The following ADGRV1 variants were observed in gnomAD, a reference collection of about 807,000 sequenced individuals.
The protein encoded by ADGRV1 is adhesion G protein-coupled receptor V1.
ADGRV1 carries 359 observed loss-of-function variants against 596.2 expected under a neutral mutation model. That is an observed-to-expected ratio of 0.60 (90% CI 0.55 to 0.66). ADGRV1 has a LOEUF of 0.66. Among genes scored for constraint, ADGRV1 ranks in the 30% least tolerant of loss-of-function variants. The pLI, the probability that ADGRV1 is intolerant of heterozygous loss-of-function variation, is 0.00. For synonymous variants in ADGRV1, 2,681 were observed against 2,679.2 expected (o/e 1.00, Z -0.02); for missense variants, 7,274 against 7,575.6 (o/e 0.96, Z 1.48).
intron 86 of ADGRV1, among the ~76,000 whole-genome samples, chr5:91,088,569 ATTAGTC>A (rs951028977): frequency 6.6e-5 from 10 of 152,184 alleles, no homozygotes; most frequent in African/African-American, 2.4e-4. Context: ...CTGCTCATTC[ATTAGTC>A]TTAAACTATT....
At chr5:91,130,569 T>C (rs1794132480) in intron 87 of ADGRV1, among the ~76,000 whole-genome samples, 1 of 139,010 alleles carries the variant, frequency 7.2e-6, no homozygotes, top group Non-Finnish European at 1.6e-5. Flanking sequence ...ATAGGAGACA[T>C]CAAAACATAA....
chr5:90,945,774 C>A (rs1581595753), intron 83 of ADGRV1, among the ~76,000 whole-genome samples: 1 of 152,004 alleles, frequency 6.6e-6, no homozygotes, highest in Non-Finnish European at 1.5e-5. Flanking sequence ...TCACTTGAGC[C>A]CAGGAGATTG....
At chr5:91,076,650 T>A (rs999851785) in intron 86 of ADGRV1, among the ~76,000 whole-genome samples, 1 of 152,188 alleles carries the variant, frequency 6.6e-6, no homozygotes. Context: ...TTTGTAAATA[T>A]TCCTCAAAAG....
intron 53 of ADGRV1, among the ~76,000 whole-genome samples, chr5:90,752,362 T>A (rs1387860474): frequency 6.6e-6 from 1 of 152,158 alleles, no homozygotes; most frequent in African/African-American, 2.4e-5. Context: ...TAAACTGGTG[T>A]CATGGGGTTT....
intron 11 of ADGRV1, among the ~76,000 whole-genome samples, chr5:90,640,194 G>T (rs776637552): frequency 6.6e-6 from 1 of 152,144 alleles, no homozygotes; most frequent in Non-Finnish European, 1.5e-5. Flanking sequence ...CATTTGACAT[G>T]TGCTTTCAAG....
At chr5:90,828,880 G>A in intron 76 of ADGRV1, 64 bp from the exon 77 acceptor site, 1 of 1,033,034 alleles carries the variant, frequency 9.7e-7, no homozygotes, top group South Asian at 2.6e-5. Context: ...TTAAATATCA[G>A]AACTATCTAC....
At chr5:91,104,169 A>G (rs932628858) in intron 87 of ADGRV1, among the ~76,000 whole-genome samples, 2 of 152,124 alleles carry the variant, frequency 1.3e-5, no homozygotes, top group East Asian at 1.9e-4. Context: ...AGGAGAGGAT[A>G]TTGAAAAAAA....
At chr5:90,852,380 T>C (rs1011834082) in intron 79 of ADGRV1, among the ~76,000 whole-genome samples, 1 of 152,194 alleles carries the variant, frequency 6.6e-6, no homozygotes, top group South Asian at 2.1e-4. Context: ...TATTGTGACA[T>C]ATATAACTTT....
Position 90,791,246 on chromosome 5 carries a change from A to T in ADGRV1, c.14417A>T (p.Asp4806Val). 6.2e-7 allele frequency: 1 copy of T among 1,612,622 alleles called. No individual in the cohort carries two copies. The highest frequency in any genetic ancestry group is 2.2e-5 in the East Asian group (1 of 44,820). ...GCTGTTGGGCTTCGAATATCATCGGATCATAAAGAACAGCCGATTGTTACC... is the reference window on the plus strand; with the variant it reads ...GCTGTTGGGCTTCGAATATCATCGGTTCATAAAGAACAGCCGATTGTTACC... Reference protein sequence around the residue: ...DVAVGLRISSDHKEQPIVTEN... With the variant: ...DVAVGLRISSVHKEQPIVTEN... The change falls in exon 70 of 90, where the codon GAT becomes GTT. Residue 4806 changes from aspartate to valine, a missense_variant. Around this residue, in one of 5 missense-constraint regions of ADGRV1, gnomAD observed 1,874 missense variants for 1,970.2 expected, o/e 0.95. Coordinates refer to ENST00000405460, the MANE Select transcript of ADGRV1 (RefSeq NM_032119.4).
chr5:90,788,403 T>A (rs1282922838), intron 68 of ADGRV1, 93 bp downstream of exon 68: 1 of 1,248,442 alleles, frequency 8.0e-7, no homozygotes, highest in Admixed American at 2.9e-5. Context: ...AAGCTTGTGA[T>A]AAATTGGAAA....
intron 1 of ADGRV1, among the ~76,000 whole-genome samples, chr5:90,596,037 G>A (rs1760483445): frequency 6.7e-6 from 1 of 149,748 alleles, no homozygotes; most frequent in Non-Finnish European, 1.5e-5. Context: ...CTCATACGGG[G>A]TGGCTGCCGG....
rs369190212 is a variant in ADGRV1 at position 90,728,921 on chromosome 5, A to G, written c.10414A>G (p.Asn3472Asp). The stretch of plus-strand genomic sequence containing the variant: ...TGATATTTACCTAATATTTGCCGAA[A>G]ATGTCTTTCTAGGTGAGAAGATAAA... ...ANDIYLIFAE[N>D]VFLGDQNSID... Residue 3472 changes from asparagine (N) to aspartate (D), a missense_variant, in exon 49 of 90, where the codon AAT (asparagine) becomes GAT (aspartate). This residue lies in a region of ADGRV1 where 3,643 missense variants were observed against 3,809.2 expected (regional missense o/e 0.96). Coordinates refer to ENST00000405460, the MANE Select transcript of ADGRV1 (RefSeq NM_032119.4). The G allele has an allele frequency of 3.1e-6, 5 of 1,607,942 alleles. No homozygotes were observed. The highest frequency in any genetic ancestry group is 4.3e-6 in the Non-Finnish European group (5 of 1,176,290).
rs372935179 is a variant in ADGRV1, at chr5:90,737,816, C to T, written c.10550-7230C>T. Among the ~76,000 whole-genome samples, 11 of 151,800 alleles carry T rather than the reference C, an allele frequency of 7.2e-5. No homozygotes were observed. In the South Asian group the frequency reaches 1.0e-3, roughly 14 times the overall value. ...TCCTTCATTTTCACTTTATATGTGTCGTTATTGGTAAATAGTCTCTTGTAG... is the reference window on the plus strand; with the variant it reads ...TCCTTCATTTTCACTTTATATGTGTTGTTATTGGTAAATAGTCTCTTGTAG... On this transcript the variant is annotated intron_variant, in intron 50 of 89. Transcript: ENST00000405460.
intron 79 of ADGRV1, among the ~76,000 whole-genome samples, chr5:90,851,134 T>TGTGTGTGTGTGTGTGA (rs757909771): frequency 2.5e-4 from 20 of 81,506 alleles, no homozygotes; most frequent in East Asian, 8.6e-4. Flanking sequence ...TGTGTGTGTG[T>TGTGTGTGTGTGTGTGA]GAGAGAGAGA....
chr5:91,081,522 G>A (rs570583624), intron 86 of ADGRV1, among the ~76,000 whole-genome samples: 2 of 152,220 alleles, frequency 1.3e-5, no homozygotes, highest in African/African-American at 4.8e-5. Context: ...GGTGACTCAC[G>A]CCCGTAATCC....
At chr5:90,858,285 C>T (rs1292346912) in intron 82 of ADGRV1, among the ~76,000 whole-genome samples, 2 of 152,060 alleles carry the variant, frequency 1.3e-5, no homozygotes, top group African/African-American at 4.8e-5. Context: ...CATAATAAAG[C>T]CATAATTTTG....
intron 87 of ADGRV1, among the ~76,000 whole-genome samples, chr5:91,110,544 T>A (rs1792277396): frequency 6.6e-6 from 1 of 152,198 alleles, no homozygotes; most frequent in South Asian, 2.1e-4. Flanking sequence ...CCAGTCAGAT[T>A]CAGGCTGAAA....
intron 21 of ADGRV1, among the ~76,000 whole-genome samples, chr5:90,670,031 A>G (rs1772218032): frequency 6.6e-6 from 1 of 152,206 alleles, no homozygotes. Flanking sequence ...ACATGGCTTT[A>G]AATATCATTT....
chr5:91,163,778 G>A lies in ADGRV1; in HGVS notation c.18803-4G>A, dbSNP rs80335659. 1.3e-5 allele frequency: 17 copies of A among 1,359,566 alleles called. No homozygotes were observed. The highest frequency in any genetic ancestry group is 1.8e-5 in the Non-Finnish European group (17 of 969,870). The allele number at this position is 1,359,566 out of a possible 1,614,324, so 84.2% of individuals were successfully genotyped here. A position where few individuals can be genotyped will look rare whatever the true frequency, so the allele number is the denominator to read the frequency against. On this transcript the variant is annotated splice_region_variant and splice_polypyrimidine_tract_variant and intron_variant, in intron 89 of 89. Coordinates refer to ENST00000405460, the MANE Select transcript of ADGRV1 (RefSeq NM_032119.4). ...TTTTTGTGTTCATTCTATTTCTGTG[G>A]CAGGTGCTGGTCTCAGTGTCAGTGA... is the stretch of plus-strand genomic sequence containing the variant.
Sources: gnomAD v4.1 joint callset for allele counts (sites outside exome capture counted in the v4.1 genomes callset) on GRCh38, gnomAD v4.1.1 for gene constraint, gnomAD v4.1.1 regional missense constraint, MANE v1.5 for transcripts, NCBI Gene and HGNC (gene_info 2026-07-23, HGNC 2026-07-21) for gene names.